Variants in PRKAR2A observed in about 807,000 individuals in gnomAD.
PRKAR2A encodes cAMP-dependent protein kinase type II-alpha regulatory subunit.
Under a neutral mutation model 51.9 loss-of-function variants are expected in PRKAR2A, and 29 were observed. That is an observed-to-expected ratio of 0.56 (90% CI 0.42 to 0.76). The LOEUF is 0.76. Ranked by LOEUF, PRKAR2A falls within the 30% of genes least tolerant of loss-of-function variation. The pLI is 0.00. For synonymous variants in PRKAR2A, 178 were observed against 186.2 expected (o/e 0.96, Z 0.36); for missense variants, 445 against 512.1 (o/e 0.87, Z 1.26).
chr3:48,802,455 A>G (rs74567079), intron 2 of PRKAR2A, among the ~76,000 whole-genome samples: 51 of 147,144 alleles, frequency 3.5e-4, no homozygotes, highest in Admixed American at 3.4e-3. Context: ...GTTTAAAAGG[A>G]AAAAAAAAAA....
intron 1 of PRKAR2A, among the ~76,000 whole-genome samples, chr3:48,831,423 A>G (rs987632168): frequency 6.8e-6 from 1 of 146,278 alleles, no homozygotes; most frequent in Non-Finnish European, 1.5e-5. Context: ...CTAGAGTGCA[A>G]TGGCATGATC....
chr3:48,783,209 C>T, intron 4 of PRKAR2A, 117 bp from the exon 5 acceptor site: 2 of 678,626 alleles, frequency 2.9e-6, no homozygotes, highest in Non-Finnish European at 2.6e-6. Flanking sequence ...CAAGCAGAAA[C>T]CTAAAGGTTG....
At chr3:48,746,028 A>G (rs1207346382), downstream of PRKAR2A, among the ~76,000 whole-genome samples, 1 of 152,146 alleles carries the variant, frequency 6.6e-6, no homozygotes, top group Admixed American at 6.5e-5. Flanking sequence ...TAACTGAAAC[A>G]CTGGTTCTTC....
chr3:48,746,803 C>T lies in PRKAR2A; in HGVS notation c.*4782G>A, dbSNP rs990551028. 2 of 152,154 alleles carry T rather than the reference C, an allele frequency of 1.3e-5. No individual in the cohort carries two copies. Among genetic ancestry groups the T allele is most frequent in the Admixed American group, 6.6e-5 (1 of 15,264 alleles). The allele number at this position is 152,154 out of a possible 1,614,324, so 9.4% of individuals were successfully genotyped here. ...GATTAAAACAGATTAAAATAAAATT[C>T]ACTCCAAGAATTTAAAAAATAATTC... On this transcript the variant is annotated 3_prime_UTR_variant, in exon 11 of 11. Transcript: ENST00000265563.
intron 1 of PRKAR2A, among the ~76,000 whole-genome samples, chr3:48,835,580 C>T (rs1225752910): frequency 6.8e-6 from 1 of 146,596 alleles, no homozygotes; most frequent in Non-Finnish European, 1.5e-5. Context: ...GCAGAACTTG[C>T]AGTGAGCGGA....
chr3:48,834,014 A>G (rs1203083242), intron 1 of PRKAR2A, among the ~76,000 whole-genome samples: 1 of 151,218 alleles, frequency 6.6e-6, no homozygotes, highest in Non-Finnish European at 1.5e-5. Flanking sequence ...CAGGCTGGGC[A>G]ACAAAGCAAG....
chr3:48,760,686 T>A (rs1171152639), intron 8 of PRKAR2A, among the ~76,000 whole-genome samples: 6 of 145,078 alleles, frequency 4.1e-5, no homozygotes, highest in African/African-American at 1.5e-4. Flanking sequence ...AAAAAAAAAA[T>A]TAGCTGGGCA....
intron 5 of PRKAR2A, among the ~76,000 whole-genome samples, chr3:48,773,883 C>T (rs188612790): frequency 5.9e-4 from 90 of 152,124 alleles, no homozygotes; most frequent in Non-Finnish European, 1.1e-3. Flanking sequence ...ACAATCATGG[C>T]TCATTGCAGC....
chr3:48,758,939 G>C (rs2081818969), intron 8 of PRKAR2A, among the ~76,000 whole-genome samples: 2 of 152,114 alleles, frequency 1.3e-5, no homozygotes, highest in Admixed American at 1.3e-4. Context: ...ATGTCATCTA[G>C]AATACATGAG....
At chr3:48,753,677 G>A (rs749330489) in intron 9 of PRKAR2A, among the ~76,000 whole-genome samples, 15 of 152,042 alleles carry the variant, frequency 9.9e-5, no homozygotes, top group African/African-American at 3.4e-4. Context: ...AGGTTTTCTC[G>A]CAATGCACAT....
Position 48,752,277 on chromosome 3 carries a change from A to G in PRKAR2A, c.980T>C (p.Ile327Thr), listed in dbSNP as rs771427219. ...GTACTGCCCCTTATGGCAGCGGGCAATCTCGACCTCCTGGTTCCCACCATC... is the reference window on the plus strand; with the variant it reads ...GTACTGCCCCTTATGGCAGCGGGCAGTCTCGACCTCCTGGTTCCCACCATC... ...NKDGGNQEVE[I>T]ARCHKGQYFG... The change falls in exon 10 of 11, where the codon ATT (isoleucine) becomes ACT (threonine). Residue 327 changes from isoleucine to threonine, a missense_variant. Coordinates refer to ENST00000265563, the MANE Select transcript of PRKAR2A (RefSeq NM_004157.4). 24 of 1,614,044 alleles carry G rather than the reference A, an allele frequency of 1.5e-5. No individual in the cohort carries two copies. The highest frequency in any genetic ancestry group is 3.3e-5 in the Admixed American group (2 of 59,974).
chr3:48,788,905 C>T (rs2082337743), intron 4 of PRKAR2A, among the ~76,000 whole-genome samples: 1 of 151,914 alleles, frequency 6.6e-6, no homozygotes, highest in South Asian at 2.1e-4. Context: ...CAGGAGATAG[C>T]CCTTGTTCTT....
intron 1 of PRKAR2A, among the ~76,000 whole-genome samples, chr3:48,826,353 T>C (rs1157204106): frequency 6.6e-6 from 1 of 152,184 alleles, no homozygotes; most frequent in Non-Finnish European, 1.5e-5. Context: ...TTTACAATTA[T>C]AGTTTTATTA....
chr3:48,817,447 T>A (rs1201233528), intron 1 of PRKAR2A, among the ~76,000 whole-genome samples: 2 of 151,022 alleles, frequency 1.3e-5, no homozygotes, highest in Non-Finnish European at 3.0e-5. Flanking sequence ...AGGTCTGGAG[T>A]TCGAGACCAG....
chr3:48,758,819 T>C (rs1328031589), intron 8 of PRKAR2A, among the ~76,000 whole-genome samples: 1 of 152,172 alleles, frequency 6.6e-6, no homozygotes, highest in Non-Finnish European at 1.5e-5. Context: ...GTACTATTAC[T>C]ATCCAATTTT....
chr3:48,767,789 C>A (rs550057273), intron 6 of PRKAR2A, among the ~76,000 whole-genome samples: 1 of 150,632 alleles, frequency 6.6e-6, no homozygotes, highest in Non-Finnish European at 1.5e-5. Context: ...CTGGGCATGG[C>A]GGCACGCGCC....
rs566446177 is a variant in PRKAR2A, at chr3:48,817,729, G to A, written c.263-10045C>T. On this transcript the variant is annotated intron_variant, in intron 1 of 10. Transcript: ENST00000265563. ...TAAAATAAACCAAGTAAGGACTGAG[G>A]GAGAAAAGAGAGAGAAAAAACACTT... Among the ~76,000 whole-genome samples, 22 of 150,156 alleles carry A rather than the reference G, an allele frequency of 1.5e-4. 1 individual carries two copies. The East Asian group carries it at 4.1e-3, about 28-fold the overall frequency.
At chr3:48,824,782 C>A (rs948436071) in intron 1 of PRKAR2A, among the ~76,000 whole-genome samples, 1 of 151,556 alleles carries the variant, frequency 6.6e-6, no homozygotes, top group Admixed American at 6.6e-5. Context: ...CCTGTCTCTA[C>A]TAAAAACACA....
chr3:48,813,190 T>A (rs2107377457), intron 1 of PRKAR2A, among the ~76,000 whole-genome samples: 1 of 149,446 alleles, frequency 6.7e-6, no homozygotes, highest in Non-Finnish European at 1.5e-5. Flanking sequence ...AGACCAAGGG[T>A]TCGAGACCAA....
Sources: allele counts gnomAD v4.1 joint callset (sites outside exome capture counted in the v4.1 genomes callset), GRCh38; gene constraint gnomAD v4.1.1; transcripts MANE v1.5; gene names NCBI Gene and HGNC (gene_info 2026-07-23, HGNC 2026-07-21).